Variants in POC5 observed in about 807,000 individuals in gnomAD.
POC5 encodes the protein centrosomal protein POC5.
POC5 carries 48 observed loss-of-function variants against 62.9 expected under a neutral mutation model. The observed-to-expected ratio is 0.76, with a 90% CI of 0.61 to 0.97. POC5 has a LOEUF of 0.97. Ranked by LOEUF, POC5 falls within the 50% of genes least tolerant of loss-of-function variation. The pLI is 0.00. For missense variants in POC5, 696 were observed against 679.5 expected (o/e 1.02, Z -0.27); for synonymous variants, 236 against 228.2 (o/e 1.03, Z -0.31).
intron 2 of POC5, 171 bp downstream of exon 2, chr5:75,712,683 T>G (rs188994561): frequency 3.2e-5 from 23 of 729,732 alleles, no homozygotes; most frequent in Non-Finnish European, 5.1e-5. Flanking sequence ...GTTAAAACAA[T>G]GTAAAGTCAC....
rs368418117 is a variant in POC5, at chr5:75,674,429, T to C, written c.*6A>G. On this transcript the variant is annotated 3_prime_UTR_variant, in exon 12 of 12. Coordinates refer to ENST00000428202, the MANE Select transcript of POC5 (RefSeq NM_001099271.2). ...ATTAAAAGACCCCACTATGGACATA[T>C]TCACTTTAGTCAACCACTTTTATGG... is the stretch of plus-strand genomic sequence containing the variant. 6.8e-6 allele frequency: 11 copies of C among 1,613,694 alleles called. No homozygotes were observed. In the African/African-American group the frequency reaches 9.3e-5, roughly 14 times the overall value.
intron 5 of POC5, among the ~76,000 whole-genome samples, chr5:75,696,408 CT>C (rs1429085920): frequency 2.0e-5 from 3 of 152,230 alleles, no homozygotes; most frequent in Non-Finnish European, 4.4e-5. Flanking sequence ...GACCCCTGAC[CT>C]CCGAGCAGCC....
chr5:75,686,741 A>G (rs2112103580), intron 9 of POC5, among the ~76,000 whole-genome samples: 1 of 152,300 alleles, frequency 6.6e-6, no homozygotes, highest in Non-Finnish European at 1.5e-5. Context: ...CTTAAGTTTA[A>G]TAATTAATCT....
At chr5:75,694,106 A>AT (rs1202665099) in intron 6 of POC5, among the ~76,000 whole-genome samples, 1 of 152,080 alleles carries the variant, frequency 6.6e-6, no homozygotes, top group East Asian at 1.9e-4. Context: ...GGAGTTTGAG[A>AT]TTGTAGTGAG....
At chr5:75,713,301 G>T (rs764157395) in intron 1 of POC5, among the ~76,000 whole-genome samples, 3 of 152,206 alleles carry the variant, frequency 2.0e-5, no homozygotes, top group African/African-American at 4.8e-5. Flanking sequence ...CAAACAATTT[G>T]TGCAAATTCC....
intron 6 of POC5, among the ~76,000 whole-genome samples, chr5:75,694,198 A>G (rs971494612): frequency 1.3e-5 from 2 of 152,146 alleles, no homozygotes; most frequent in African/African-American, 2.4e-5. Context: ...GAGAGATTAA[A>G]AAAAGAATGT....
chr5:75,710,135 A>G (rs1244429361), intron 2 of POC5, among the ~76,000 whole-genome samples: 1 of 152,186 alleles, frequency 6.6e-6, no homozygotes, highest in African/African-American at 2.4e-5. Flanking sequence ...GGTACAGCAA[A>G]AAGAGAGAAG....
At chr5:75,692,553 TAA>T in intron 6 of POC5, 53 bp from the exon 7 acceptor site, 1 of 1,287,004 alleles carries the variant, frequency 7.8e-7, no homozygotes, top group Non-Finnish European at 1.1e-6. Context: ...CAGCAATTGG[TAA>T]AGTGATTTTC....
rs953810887 is a variant in POC5, at chr5:75,708,008, T to A, written c.85-133A>T. 3 of 812,278 alleles carry A rather than the reference T, an allele frequency of 3.7e-6. No individual in the cohort carries two copies. The African/African-American group carries it at 5.2e-5, about 14-fold the overall frequency. The allele number at this position is 812,278 out of a possible 1,614,324, so 50.3% of individuals were successfully genotyped here. A position where few individuals can be genotyped will look rare whatever the true frequency, so the allele number is the denominator to read the frequency against. On this transcript the variant is annotated intron_variant, in intron 2 of 11. Coordinates refer to ENST00000428202, the MANE Select transcript of POC5 (RefSeq NM_001099271.2). ...TTATTATATTACAAAGTTTTACCAC[T>A]TATTCCAAGCTTGAGTTCCTCGAGT...
chr5:75,674,854 G>A (rs1438686399), intron 11 of POC5, among the ~76,000 whole-genome samples: 1 of 152,204 alleles, frequency 6.6e-6, no homozygotes, highest in Non-Finnish European at 1.5e-5. Context: ...TCCTCCAACA[G>A]GGCCAAGTGG....
chr5:75,707,567 A>G, intron 3 of POC5, 170 bp downstream of exon 3: 1 of 498,396 alleles, frequency 2.0e-6, no homozygotes. Context: ...GTCACACGAG[A>G]GTCAGGAATA....
chr5:75,715,429 G>A (rs1173018536), intron 1 of POC5, among the ~76,000 whole-genome samples: 1 of 151,972 alleles, frequency 6.6e-6, no homozygotes. Context: ...AATCATGGTA[G>A]AAGGGGAAGC....
In POC5 at chr5:75,690,414, A is replaced by G. The variant is rs754034926; in HGVS notation, c.944T>C (p.Ile315Thr). Residue 315 changes from isoleucine (I) to threonine (T), a missense_variant, in exon 8 of 12, where the codon ATT becomes ACT. Transcript: ENST00000428202. Reference protein sequence around the residue: ...QARAEEVCIQISNDYEAKVAM... With the variant: ...QARAEEVCIQTSNDYEAKVAM... ...AACTTTGGCTTCATAATCATTGGAA[A>G]TCTGGATACAAACTTCTTCAGCTCT... is the stretch of plus-strand genomic sequence containing the variant. 6.2e-7 allele frequency: 1 copy of G among 1,611,466 alleles called. No individual in the cohort carries two copies. The highest frequency in any genetic ancestry group is 1.1e-5 in the South Asian group (1 of 90,284).
intron 10 of POC5, among the ~76,000 whole-genome samples, chr5:75,684,654 C>T (rs1479947700): frequency 1.3e-4 from 19 of 151,982 alleles, no homozygotes; most frequent in African/African-American, 2.4e-4. Context: ...TGAGCCACCG[C>T]GCCCGGCTCC....
chr5:75,708,046 A>AT (rs1006528280), intron 2 of POC5, among the ~76,000 whole-genome samples, 171 bp from the exon 3 acceptor site: 10 of 152,106 alleles, frequency 6.6e-5, no homozygotes, highest in African/African-American at 2.4e-4. Context: ...TTCTTGTGTG[A>AT]TTTTTATATT....
chr5:75,674,452 T>A lies in POC5; in HGVS notation c.1711A>T (p.Ile571Leu). 1 of 1,613,930 alleles carries A rather than the reference T, an allele frequency of 6.2e-7. No individual in the cohort carries two copies. Among genetic ancestry groups the A allele is most frequent in the Non-Finnish European group, 8.5e-7 (1 of 1,179,832 alleles). The change falls in exon 12 of 12, where the codon ATA becomes TTA. Residue 571 changes from isoleucine to leucine, a missense_variant. By Grantham distance (5) the Ile-to-Leu change is conservative. Coordinates refer to ENST00000428202, the MANE Select transcript of POC5 (RefSeq NM_001099271.2). ...TATTCACTTTAGTCAACCACTTTTATGGAATGAACACTTGTGAGAGACTGG... is the reference window on the plus strand; with the variant it reads ...TATTCACTTTAGTCAACCACTTTTAAGGAATGAACACTTGTGAGAGACTGG... ...HTQSLTSVHS[I>L]KVVD
At chr5:75,692,371 A>G in intron 7 of POC5, 25 bp downstream of exon 7, 6 of 1,499,434 alleles carry the variant, frequency 4.0e-6, no homozygotes, top group Non-Finnish European at 5.4e-6. Context: ...AACATCCATC[A>G]GCTGTCTTCT....
rs150448765 is a variant in POC5, at chr5:75,703,073, T to C, written c.308-263A>G. 1.2e-3 allele frequency among the ~76,000 whole-genome samples: 182 copies of C among 152,320 alleles called. 1 individual carries two copies. The highest frequency in any genetic ancestry group is 3.9e-3 in the African/African-American group (163 of 41,574). The stretch of plus-strand genomic sequence containing the variant: ...CTCTATCCCAGATAAGGATCCTTCA[T>C]ATATCCAGGTCCAGCCTGAGGTGAA... On this transcript the variant is annotated intron_variant, in intron 4 of 11. Transcript: ENST00000428202.
chr5:75,691,778 A>C (rs988915094), intron 7 of POC5, among the ~76,000 whole-genome samples: 1 of 152,102 alleles, frequency 6.6e-6, no homozygotes, highest in African/African-American at 2.4e-5. Flanking sequence ...ATATACTCAT[A>C]CTTTTCCACT....
Sources: gnomAD v4.1 joint callset for allele counts (sites outside exome capture counted in the v4.1 genomes callset) on GRCh38, gnomAD v4.1.1 for gene constraint, MANE v1.5 for transcripts, NCBI Gene and HGNC (gene_info 2026-07-23, HGNC 2026-07-21) for gene names.